Variants in DESI2 observed in about 807,000 individuals in gnomAD.
The protein encoded by DESI2 is desumoylating isopeptidase 2, also known as deubiquitinase DESI2.
Under a neutral mutation model 24.1 loss-of-function variants are expected in DESI2, and 10 were observed. The ratio of observed to expected loss-of-function variants is 0.41; its 90% CI spans 0.26 to 0.70. DESI2 has a LOEUF of 0.70. Among genes scored for constraint, DESI2 ranks in the 30% least tolerant of loss-of-function variants. The probability of loss-of-function intolerance (pLI) is 0.29; values close to 1 mark genes in which losing one functional copy is unlikely to be tolerated. For missense variants in DESI2, 122 were observed against 234.9 expected (o/e 0.52, Z 3.14); for synonymous variants, 71 against 87.7 (o/e 0.81, Z 1.06).
intron 1 of DESI2, among the ~76,000 whole-genome samples, chr1:244,680,948 CTTT>C (rs34557918): frequency 7.8e-5 from 11 of 141,154 alleles, no homozygotes; most frequent in Admixed American, 1.4e-4. Context: ...CCTCCTTTTA[CTTT>C]TTTTTTTTTT....
At chr1:244,677,831 G>T (rs1166153052) in intron 1 of DESI2, among the ~76,000 whole-genome samples, 1 of 152,082 alleles carries the variant, frequency 6.6e-6, no homozygotes, top group Non-Finnish European at 1.5e-5. Flanking sequence ...GAGTTAGGAG[G>T]ATTGCTTCAG....
intron 1 of DESI2, among the ~76,000 whole-genome samples, chr1:244,660,927 A>C (rs1675818760): frequency 1.3e-5 from 2 of 152,158 alleles, no homozygotes; most frequent in Admixed American, 1.3e-4. Flanking sequence ...GTTTCCCTTT[A>C]CTATTATTCC....
At chr1:244,679,856 G>A (rs1201301290) in intron 1 of DESI2, among the ~76,000 whole-genome samples, 1 of 121,048 alleles carries the variant, frequency 8.3e-6, no homozygotes, top group African/African-American at 3.2e-5. Context: ...GACAGAGTGA[G>A]AGACTCTATC....
chr1:244,656,130 A>T (rs1675640224), intron 1 of DESI2, among the ~76,000 whole-genome samples: 1 of 152,122 alleles, frequency 6.6e-6, no homozygotes, highest in South Asian at 2.1e-4. Flanking sequence ...TGTTGTCTGT[A>T]TAGGCCTAGT....
intron 1 of DESI2, chr1:244,653,707 C>G (rs1343759184): frequency 2.6e-6 from 1 of 380,278 alleles, no homozygotes; most frequent in Non-Finnish European, 4.9e-6. Flanking sequence ...CTTGCCGGCC[C>G]CCGGGGCTGC....
chr1:244,654,080 G>A, intron 1 of DESI2: 1 of 466,728 alleles, frequency 2.1e-6, no homozygotes, highest in South Asian at 1.6e-5. Context: ...GTTGTTTATT[G>A]TATCATCTAA....
intron 1 of DESI2, among the ~76,000 whole-genome samples, chr1:244,667,173 T>G (rs1676076350): frequency 6.6e-6 from 1 of 152,140 alleles, no homozygotes; most frequent in Admixed American, 6.5e-5. Flanking sequence ...AAGTCTTAAC[T>G]CATTTCAGCA....
At chr1:244,697,989 A>T (rs948687236) in intron 4 of DESI2, among the ~76,000 whole-genome samples, 1 of 152,196 alleles carries the variant, frequency 6.6e-6, no homozygotes, top group South Asian at 2.1e-4. Context: ...CTGTAATATT[A>T]AACCTTTTGC....
chr1:244,700,925 T>C (rs1349900679), intron 4 of DESI2, among the ~76,000 whole-genome samples: 1 of 152,200 alleles, frequency 6.6e-6, no homozygotes, highest in East Asian at 1.9e-4. Flanking sequence ...TACAGTAAAA[T>C]TCATGTGTTT....
At chr1:244,673,994 T>C (rs968968252) in intron 1 of DESI2, among the ~76,000 whole-genome samples, 137 of 139,264 alleles carry the variant, frequency 9.8e-4, no homozygotes, top group Admixed American at 1.6e-3. Context: ...TGTCTCTTTT[T>C]TTTTTTTTTT....
intron 1 of DESI2, among the ~76,000 whole-genome samples, chr1:244,685,805 C>T (rs909061854): frequency 6.6e-6 from 1 of 152,176 alleles, no homozygotes; most frequent in African/African-American, 2.4e-5. Context: ...TTAGTGAGCT[C>T]TTAACTCATT....
At chr1:244,702,552 G>C (rs1677508972) in intron 4 of DESI2, among the ~76,000 whole-genome samples, 1 of 152,100 alleles carries the variant, frequency 6.6e-6, no homozygotes, top group Non-Finnish European at 1.5e-5. Context: ...GCTTGACCAA[G>C]GATTGGTACA....
intron 4 of DESI2, among the ~76,000 whole-genome samples, chr1:244,701,215 ACCCCCC>A (rs71587007): frequency 7.6e-5 from 1 of 13,120 alleles, no homozygotes; most frequent in Non-Finnish European, 1.3e-4. Flanking sequence ...CTTCCCCTCC[ACCCCCC>A]CCCCCCCCCC....
intron 4 of DESI2, among the ~76,000 whole-genome samples, chr1:244,699,027 T>A (rs1677333222): frequency 6.6e-6 from 1 of 152,200 alleles, no homozygotes; most frequent in South Asian, 2.1e-4. Flanking sequence ...ACTTCTGGAC[T>A]AGCTGCCGTT....
intron 1 of DESI2, among the ~76,000 whole-genome samples, chr1:244,682,469 A>G (rs1676651043): frequency 1.3e-5 from 2 of 152,196 alleles, no homozygotes; most frequent in African/African-American, 4.8e-5. Context: ...TGTCAAAACT[A>G]TATATGAAAA....
At chr1:244,686,329 G>A (rs1371620776) in intron 1 of DESI2, among the ~76,000 whole-genome samples, 2 of 150,942 alleles carry the variant, frequency 1.3e-5, no homozygotes, top group Non-Finnish European at 3.0e-5. Context: ...TCCCCCCACC[G>A]CCCCACAAAC....
In DESI2 at chr1:244,665,396, T is replaced by C. The variant is rs552806703; in HGVS notation, c.42+12041T>C. On this transcript the variant is annotated intron_variant, in intron 1 of 4. Coordinates refer to ENST00000302550, the MANE Select transcript of DESI2 (RefSeq NM_016076.5). Reference sequence around the variant, plus strand: ...TCATCCCCTCCATAACCCAGAAATATGCTGATTCTCTTTTTGTTTGTCCTC... The same window carrying C: ...TCATCCCCTCCATAACCCAGAAATACGCTGATTCTCTTTTTGTTTGTCCTC... 7.2e-5 allele frequency among the ~76,000 whole-genome samples: 11 copies of C among 152,286 alleles called. No homozygotes were observed. The South Asian group carries it at 2.3e-3, about 32-fold the overall frequency.
intron 1 of DESI2, among the ~76,000 whole-genome samples, chr1:244,655,883 G>T (rs1277826353): frequency 6.6e-6 from 1 of 152,204 alleles, no homozygotes; most frequent in Non-Finnish European, 1.5e-5. Flanking sequence ...CAGATGTGTT[G>T]TGGGCTTGGG....
chr1:244,664,094 G>A (rs1329609525), intron 1 of DESI2, among the ~76,000 whole-genome samples: 1 of 151,650 alleles, frequency 6.6e-6, no homozygotes, highest in Non-Finnish European at 1.5e-5. Flanking sequence ...GAAAGGCCAT[G>A]GCCATCAATA....
Sources: gnomAD v4.1 joint callset for allele counts (sites outside exome capture counted in the v4.1 genomes callset) on GRCh38, gnomAD v4.1.1 for gene constraint, MANE v1.5 for transcripts, NCBI Gene and HGNC (gene_info 2026-07-23, HGNC 2026-07-21) for gene names.